Variants in AMD1 observed in about 807,000 individuals in gnomAD.
AMD1 encodes the protein S-adenosylmethionine decarboxylase proenzyme.
AMD1 carries 11 observed loss-of-function variants against 40.2 expected under a neutral mutation model. The ratio of observed to expected loss-of-function variants is 0.27; its 90% CI spans 0.17 to 0.45. The LOEUF (loss-of-function observed/expected upper bound fraction) is 0.45, where lower values mean the gene tolerates loss of function less well. Ranked by LOEUF, AMD1 falls within the 20% of genes least tolerant of loss-of-function variation. The probability of loss-of-function intolerance (pLI) is 1.00; values close to 1 mark genes in which losing one functional copy is unlikely to be tolerated. For missense variants in AMD1, 257 were observed against 410.2 expected, an observed-to-expected ratio of 0.63 and a Z score of 3.23; for synonymous variants, 121 against 130.8, an observed-to-expected ratio of 0.93 and a Z score of 0.51.
At chr6:110,839,169 G>T in the AMD1 span, among the ~76,000 whole-genome samples, 1 of 152,120 alleles carries the variant, frequency 6.6e-6, no homozygotes, top group Non-Finnish European at 1.5e-5. Flanking sequence ...TTCTATTCAT[G>T]TGCAAATGTT....
At chr6:110,858,869 G>A in the AMD1 span, 2 of 797,324 alleles carry the variant, frequency 2.5e-6, no homozygotes, top group South Asian at 2.7e-5. Context: ...CCTCCAGATG[G>A]GTACAAACAA....
chr6:110,892,042 T>C (rs1487633652), intron 4 of AMD1, 119 bp from the exon 5 acceptor site: 9 of 1,202,114 alleles, frequency 7.5e-6, no homozygotes, highest in Non-Finnish European at 1.1e-5. Flanking sequence ...AGTCCACTGA[T>C]GGATGACATT....
At chr6:110,857,656 G>GTA in the AMD1 span, among the ~76,000 whole-genome samples, 42 of 130,446 alleles carry the variant, frequency 3.2e-4, no homozygotes, top group East Asian at 1.8e-3. Flanking sequence ...TATATAGATG[G>GTA]TATATATATA....
the AMD1 span, among the ~76,000 whole-genome samples, chr6:110,821,283 A>G: frequency 1.3e-5 from 2 of 152,042 alleles, no homozygotes; most frequent in African/African-American, 2.4e-5. Context: ...AACATGTTCT[A>G]TTTTTCCCAT....
chr6:110,826,513 G>T, the AMD1 span, among the ~76,000 whole-genome samples: 2 of 151,958 alleles, frequency 1.3e-5, no homozygotes, highest in African/African-American at 4.8e-5. Flanking sequence ...TGTCTGGAGG[G>T]CCATGATCTC....
upstream of AMD1, among the ~76,000 whole-genome samples, chr6:110,874,009 A>T (rs1429422914): frequency 1.3e-5 from 2 of 152,240 alleles, no homozygotes; most frequent in East Asian, 3.8e-4. Context: ...GAGCTAATGG[A>T]GCAACGGAGC....
the AMD1 span, among the ~76,000 whole-genome samples, chr6:110,836,295 G>A: frequency 6.6e-6 from 1 of 151,844 alleles, no homozygotes; most frequent in African/African-American, 2.4e-5. Flanking sequence ...GTATGATGTT[G>A]GCTATGACTG....
At chr6:110,868,204 G>C in the AMD1 span, among the ~76,000 whole-genome samples, 83 of 152,118 alleles carry the variant, frequency 5.5e-4, no homozygotes, top group African/African-American at 2.0e-3. Flanking sequence ...CTGGAGTACA[G>C]TGGTGCGATC....
chr6:110,858,485 C>A, the AMD1 span: 1 of 1,374,420 alleles, frequency 7.3e-7, no homozygotes, highest in Non-Finnish European at 1.0e-6. Flanking sequence ...GCAGAACTGG[C>A]ACCAACTAGA....
At chr6:110,815,466 C>T in the AMD1 span, 1 of 206,542 alleles carries the variant, frequency 4.8e-6, no homozygotes, top group Non-Finnish European at 9.6e-6. Context: ...TTAGCGAACT[C>T]ACTGGCCCGC....
chr6:110,863,292 T>C, the AMD1 span, among the ~76,000 whole-genome samples: 1 of 150,898 alleles, frequency 6.6e-6, no homozygotes. Context: ...TGTAGATACA[T>C]GTCTTTTACT....
Position 110,888,930 on chromosome 6 carries a change from C to G in AMD1, c.271C>G (p.Leu91Val), listed in dbSNP as rs1222162332. The G allele has an allele frequency of 6.2e-7, 1 of 1,613,954 alleles. No individual in the cohort carries two copies. Among genetic ancestry groups the G allele is most frequent in the Non-Finnish European group, 8.5e-7 (1 of 1,179,970 alleles). Residue 91 changes from leucine (L) to valine (V), a missense_variant, in exon 3 of 9, where the codon CTG becomes GTG. Leu to Val is a conservative substitution (Grantham distance 32). Transcript: ENST00000368885. ...TGGTACCACCCTCTTGCTGAAAGCA[C>G]TGGTTCCCCTGTTGAAGCTTGCTAG... ...TCGTTLLLKA[L>V]VPLLKLARDY...
chr6:110,837,747 T>A, the AMD1 span, among the ~76,000 whole-genome samples: 27 of 71,324 alleles, frequency 3.8e-4, no homozygotes, highest in East Asian at 1.0e-3. Context: ...AAAAAAAAAA[T>A]ATATATATAT....
At chr6:110,888,234 ATTTAT>A (rs1434284975) in intron 2 of AMD1, 1 of 152,164 alleles carries the variant, frequency 6.6e-6, no homozygotes, top group East Asian at 1.9e-4. Flanking sequence ...TGCAGAGTTA[ATTTAT>A]TCCATAAATA....
chr6:110,816,135 A>G, the AMD1 span, among the ~76,000 whole-genome samples: 26 of 152,336 alleles, frequency 1.7e-4, no homozygotes, highest in African/African-American at 6.3e-4. Flanking sequence ...GAGAACATGC[A>G]ACTTCTGAGC....
chr6:110,826,688 C>CTTTT, the AMD1 span, among the ~76,000 whole-genome samples: 8 of 131,406 alleles, frequency 6.1e-5, no homozygotes, highest in Non-Finnish European at 8.0e-5. Context: ...TCTTTTCTTT[C>CTTTT]TTTTTTTTTT....
At chr6:110,857,653 A>T in the AMD1 span, among the ~76,000 whole-genome samples, 1 of 130,284 alleles carries the variant, frequency 7.7e-6, no homozygotes. Context: ...ATATATATAG[A>T]TGGTATATAT....
At chr6:110,847,368 A>G in the AMD1 span, among the ~76,000 whole-genome samples, 6 of 151,818 alleles carry the variant, frequency 4.0e-5, no homozygotes, top group Non-Finnish European at 8.8e-5. Flanking sequence ...TACTAAAAAT[A>G]GAAAAAATTA....
Position 110,890,315 on chromosome 6 carries a change from A to G in AMD1, c.386A>G (p.Asn129Ser). ...TCTCACCAAGGGTACCCACACCGGA[A>G]TTTCCAGGAAGAAATAGAGTTTCTT... is the stretch of plus-strand genomic sequence containing the variant. ...KPSHQGYPHRNFQEEIEFLNA... is the reference protein window; with the variant it reads ...KPSHQGYPHRSFQEEIEFLNA... Residue 129 changes from asparagine to serine, a missense_variant, in exon 4 of 9, where the codon AAT (asparagine) becomes AGT (serine). Transcript: ENST00000368885. 6.2e-7 allele frequency: 1 copy of G among 1,600,832 alleles called. No homozygotes were observed. The highest frequency in any genetic ancestry group is 8.5e-7 in the Non-Finnish European group (1 of 1,177,192).
Sources: gnomAD v4.1 joint callset for allele counts (sites outside exome capture counted in the v4.1 genomes callset) on GRCh38, gnomAD v4.1.1 for gene constraint, MANE v1.5 for transcripts, NCBI Gene and HGNC (gene_info 2026-07-23, HGNC 2026-07-21) for gene names.